The following CYP39A1 variants were observed in gnomAD, a reference collection of about 807,000 sequenced individuals.
CYP39A1 encodes 24-hydroxycholesterol 7-alpha-hydroxylase.
Under a neutral mutation model 58.1 loss-of-function variants are expected in CYP39A1, and 49 were observed. The observed-to-expected ratio is 0.84, with a 90% CI of 0.67 to 1.07. The LOEUF is 1.07. Among genes scored for constraint, CYP39A1 ranks in the 50% least tolerant of loss-of-function variants. CYP39A1 has a pLI of 0.00. For synonymous variants in CYP39A1, 209 were observed against 187.6 expected (o/e 1.11, Z -0.93); for missense variants, 531 against 539.4 (o/e 0.98, Z 0.16).
At chr6:46,559,041 A>C (rs1263189586) in intron 10 of CYP39A1, among the ~76,000 whole-genome samples, 1 of 152,108 alleles carries the variant, frequency 6.6e-6, no homozygotes, top group Non-Finnish European at 1.5e-5. Flanking sequence ...AATTGTGTAA[A>C]AGAGAGAAAG....
chr6:46,568,624 A>G (rs1771417942), intron 10 of CYP39A1, among the ~76,000 whole-genome samples: 1 of 152,104 alleles, frequency 6.6e-6, no homozygotes, highest in South Asian at 2.1e-4. Flanking sequence ...TAGTTGTCCC[A>G]GCGCCATTCA....
At chr6:46,628,883 G>A (rs1293693926) in intron 6 of CYP39A1, among the ~76,000 whole-genome samples, 1 of 152,170 alleles carries the variant, frequency 6.6e-6, no homozygotes, top group Non-Finnish European at 1.5e-5. Context: ...TTTTTGTAAG[G>A]GAAGAAAACT....
chr6:46,636,255 C>T lies in CYP39A1; in HGVS notation c.732+134G>A, dbSNP rs1278973233. On this transcript the variant is annotated intron_variant, in intron 5 of 11. Coordinates refer to ENST00000275016, the MANE Select transcript of CYP39A1 (RefSeq NM_016593.5). ...ATGATGTAACAGTGAAATAATGTATCTCAACATGTCCAGTACAGTGGTTGA... is the reference window on the plus strand; with the variant it reads ...ATGATGTAACAGTGAAATAATGTATTTCAACATGTCCAGTACAGTGGTTGA... 8.4e-6 allele frequency: 5 copies of T among 594,222 alleles called. No individual in the cohort carries two copies. The East Asian group carries it at 1.5e-4, about 18-fold the overall frequency. 36.8% of individuals were successfully genotyped at this position (594,222 alleles called of 1,614,324 possible). A position where few individuals can be genotyped will look rare whatever the true frequency, so the allele number is the denominator to read the frequency against.
At chr6:46,555,538 G>A (rs1228116215) in intron 10 of CYP39A1, among the ~76,000 whole-genome samples, 1 of 152,104 alleles carries the variant, frequency 6.6e-6, no homozygotes, top group African/African-American at 2.4e-5. Flanking sequence ...CTTTCCACCT[G>A]TCTCTGTATT....
intron 7 of CYP39A1, 53 bp from the exon 8 acceptor site, chr6:46,596,173 AT>A (rs1773145875): frequency 7.0e-7 from 1 of 1,419,126 alleles, no homozygotes; most frequent in East Asian, 2.4e-5. Flanking sequence ...TCAGAAAGTG[AT>A]TTCACGTAAG....
At chr6:46,597,529 G>T (rs756969486) in intron 7 of CYP39A1, among the ~76,000 whole-genome samples, 1 of 151,980 alleles carries the variant, frequency 6.6e-6, no homozygotes, top group African/African-American at 2.4e-5. Flanking sequence ...TTCTTGCATA[G>T]AGTCAACCCC....
intron 7 of CYP39A1, among the ~76,000 whole-genome samples, chr6:46,618,788 A>T (rs1276728087): frequency 6.6e-6 from 1 of 152,096 alleles, no homozygotes; most frequent in Non-Finnish European, 1.5e-5. Flanking sequence ...AAAGAAACAG[A>T]AAACCTTCCT....
intron 10 of CYP39A1, among the ~76,000 whole-genome samples, chr6:46,567,015 C>A (rs1771327781): frequency 6.6e-6 from 1 of 151,998 alleles, no homozygotes; most frequent in African/African-American, 2.4e-5. Flanking sequence ...AATTTAAGAT[C>A]TGTTCTCTTA....
intron 7 of CYP39A1, among the ~76,000 whole-genome samples, chr6:46,606,476 T>A (rs1473560538): frequency 6.6e-6 from 1 of 152,204 alleles, no homozygotes; most frequent in Non-Finnish European, 1.5e-5. Context: ...TGTGATTTGT[T>A]CTTCCAGCAT....
intron 10 of CYP39A1, among the ~76,000 whole-genome samples, chr6:46,572,315 G>A (rs1771633137): frequency 1.3e-5 from 2 of 151,936 alleles, no homozygotes; most frequent in Non-Finnish European, 2.9e-5. Flanking sequence ...TTTCATTTAA[G>A]CTTGAAGAAG....
At chr6:46,598,114 A>G (rs1773279348) in intron 7 of CYP39A1, among the ~76,000 whole-genome samples, 1 of 152,146 alleles carries the variant, frequency 6.6e-6, no homozygotes, top group Non-Finnish European at 1.5e-5. Context: ...AGGAGGAAAA[A>G]GGTTCATGGG....
chr6:46,602,233 C>T (rs1444291959), intron 7 of CYP39A1, among the ~76,000 whole-genome samples: 2 of 152,004 alleles, frequency 1.3e-5, no homozygotes, highest in African/African-American at 4.8e-5. Flanking sequence ...ATTTGTGTAA[C>T]AGCAATGGGA....
chr6:46,584,148 A>G (rs1055393729), intron 10 of CYP39A1, among the ~76,000 whole-genome samples: 1 of 152,196 alleles, frequency 6.6e-6, no homozygotes, highest in African/African-American at 2.4e-5. Context: ...CTTTAGAAAC[A>G]AAACATTTCA....
intron 10 of CYP39A1, among the ~76,000 whole-genome samples, chr6:46,571,272 C>T (rs983266149): frequency 3.9e-5 from 6 of 152,008 alleles, no homozygotes; most frequent in African/African-American, 1.4e-4. Context: ...TCCCATGTTT[C>T]CTTATTGATT....
intron 9 of CYP39A1, 33 bp from the exon 10 acceptor site, chr6:46,587,198 A>G: frequency 7.3e-7 from 1 of 1,364,322 alleles, no homozygotes; most frequent in Non-Finnish European, 1.0e-6. Flanking sequence ...TTTCCAAATC[A>G]GCCTTATATA....
intron 7 of CYP39A1, among the ~76,000 whole-genome samples, chr6:46,607,827 T>G (rs955019498): frequency 6.6e-6 from 1 of 152,188 alleles, no homozygotes; most frequent in Admixed American, 6.5e-5. Flanking sequence ...CCCAACACAG[T>G]TCACCACCTC....
intron 10 of CYP39A1, among the ~76,000 whole-genome samples, chr6:46,566,964 G>T (rs934448644): frequency 6.6e-6 from 1 of 151,916 alleles, no homozygotes; most frequent in African/African-American, 2.4e-5. Flanking sequence ...ACCTCATGTG[G>T]TTACCCTTTT....
intron 10 of CYP39A1, chr6:46,582,919 T>C (rs1039769921): frequency 6.8e-5 from 18 of 265,650 alleles, no homozygotes; most frequent in African/African-American, 3.9e-4. Flanking sequence ...AGAATAATTG[T>C]ATTAATACTA....
chr6:46,608,523 A>G (rs764134063), intron 7 of CYP39A1, among the ~76,000 whole-genome samples: 45 of 152,238 alleles, frequency 3.0e-4, no homozygotes, highest in Admixed American at 2.9e-3. Context: ...TTAAAATTAT[A>G]TATCTATTTT....
Sources: gnomAD v4.1 joint callset for allele counts (sites outside exome capture counted in the v4.1 genomes callset) on GRCh38, gnomAD v4.1.1 for gene constraint, MANE v1.5 for transcripts, NCBI Gene and HGNC (gene_info 2026-07-23, HGNC 2026-07-21) for gene names.